Variants in ZBTB20 observed in about 807,000 individuals in gnomAD.
ZBTB20 encodes the protein zinc finger and BTB domain-containing protein 20.
In ZBTB20, 9 loss-of-function variants were observed where a neutral mutation model predicts 56.9. The observed-to-expected ratio is 0.16, with a 90% CI of 0.10 to 0.28. ZBTB20 has a LOEUF of 0.28. Ranked by LOEUF, ZBTB20 falls within the 10% of genes least tolerant of loss-of-function variation. The pLI, the probability that ZBTB20 is intolerant of heterozygous loss-of-function variation, is 1.00. For missense variants in ZBTB20, 655 were observed against 1,003.0 expected (o/e 0.65, Z 4.69); for synonymous variants, 417 against 420.7 (o/e 0.99, Z 0.11).
In ZBTB20 at chr3:114,820,522, T is replaced by C. The variant is rs143988086; in HGVS notation, c.-416-19348A>G. Among the ~76,000 whole-genome samples, 6 of 152,226 alleles carry C rather than the reference T, an allele frequency of 3.9e-5. No homozygotes were observed. In the East Asian group the frequency reaches 1.2e-3, roughly 29 times the overall value. On this transcript the variant is annotated intron_variant, in intron 4 of 11. Coordinates refer to ENST00000675478, the MANE Select transcript of ZBTB20 (RefSeq NM_001348800.3). ...AAATTTATTCGTTATATATATTTTC[T>C]ATTTTGACACATCCTTTCAACAAGT...
chr3:114,395,291 AAG>A (rs1347604044), intron 7 of ZBTB20, among the ~76,000 whole-genome samples: 1 of 152,142 alleles, frequency 6.6e-6, no homozygotes, highest in Non-Finnish European at 1.5e-5. Context: ...TTAGAAAAAA[AAG>A]AGTTAGAAAG....
rs933909848 is a variant in ZBTB20, at chr3:114,998,344, T to A, written c.-506-23928A>T. Among the ~76,000 whole-genome samples the A allele has an allele frequency of 2.0e-5, 3 of 151,794 alleles. No individual in the cohort carries two copies. The East Asian group carries it at 5.8e-4, about 30-fold the overall frequency. Reference sequence around the variant, plus strand: ...AAAAAATCAAGATACAAAGCTGTTGTGCCATCACAAAAGAATTTGTGACCT... The same window carrying A: ...AAAAAATCAAGATACAAAGCTGTTGAGCCATCACAAAAGAATTTGTGACCT... On this transcript the variant is annotated intron_variant, in intron 2 of 11. Transcript: ENST00000675478.
intron 7 of ZBTB20, among the ~76,000 whole-genome samples, chr3:114,414,110 C>G (rs1362787307): frequency 6.6e-6 from 1 of 152,102 alleles, no homozygotes; most frequent in African/African-American, 2.4e-5. Flanking sequence ...AAGAAGCAAA[C>G]AGATCACGAG....
intron 6 of ZBTB20, among the ~76,000 whole-genome samples, chr3:114,679,318 A>G (rs941105647): frequency 3.9e-5 from 6 of 152,224 alleles, no homozygotes; most frequent in African/African-American, 1.4e-4. Flanking sequence ...CCTGCACAGC[A>G]AAAGAAACTA....
chr3:114,991,804 T>A (rs1283638842), intron 2 of ZBTB20, among the ~76,000 whole-genome samples: 2 of 152,126 alleles, frequency 1.3e-5, no homozygotes, highest in Non-Finnish European at 2.9e-5. Flanking sequence ...TGGGTGCATA[T>A]ATATTTAGGA....
chr3:114,908,541 G>A (rs1408246975), intron 3 of ZBTB20, among the ~76,000 whole-genome samples: 1 of 151,916 alleles, frequency 6.6e-6, no homozygotes, highest in Non-Finnish European at 1.5e-5. Flanking sequence ...CAACAACTCA[G>A]GTCATGTGGG....
chr3:114,460,183 C>T (rs2092261829), intron 7 of ZBTB20, among the ~76,000 whole-genome samples: 2 of 151,992 alleles, frequency 1.3e-5, no homozygotes, highest in African/African-American at 4.8e-5. Flanking sequence ...CTTTTTTGGA[C>T]ATATTTTACT....
At chr3:114,565,611 T>C (rs2052624573) in intron 6 of ZBTB20, among the ~76,000 whole-genome samples, 1 of 152,310 alleles carries the variant, frequency 6.6e-6, no homozygotes, top group Admixed American at 6.5e-5. Flanking sequence ...AATTATATAG[T>C]TATCAGGAGA....
At chr3:115,027,564 T>A (rs1212114622) in intron 2 of ZBTB20, 3 of 150,960 alleles carry the variant, frequency 2.0e-5, no homozygotes, top group African/African-American at 7.3e-5. Flanking sequence ...TGTCATGCAG[T>A]CCTTTGGATT....
At chr3:115,023,592 A>C (rs937030971) in intron 2 of ZBTB20, among the ~76,000 whole-genome samples, 4 of 150,876 alleles carry the variant, frequency 2.7e-5, no homozygotes, top group Admixed American at 2.0e-4. Flanking sequence ...ACAAATCCAA[A>C]CTTGAATAAA....
At chr3:115,063,844 A>G (rs1244727983) in intron 2 of ZBTB20, among the ~76,000 whole-genome samples, 1 of 152,166 alleles carries the variant, frequency 6.6e-6, no homozygotes, top group Admixed American at 6.6e-5. Context: ...TAAATTTTAG[A>G]CATAATATAT....
chr3:114,828,992 C>G (rs922299912), intron 4 of ZBTB20, among the ~76,000 whole-genome samples: 2 of 151,798 alleles, frequency 1.3e-5, no homozygotes, highest in East Asian at 3.9e-4. Context: ...CTTATGGATT[C>G]TAGCTCCTTT....
intron 5 of ZBTB20, among the ~76,000 whole-genome samples, chr3:114,779,984 G>C (rs1560240988): frequency 6.6e-6 from 1 of 152,102 alleles, no homozygotes; most frequent in Non-Finnish European, 1.5e-5. Flanking sequence ...AAATTATGAA[G>C]TTATTTTTTT....
At chr3:115,057,012 T>A (rs2081820580) in intron 2 of ZBTB20, among the ~76,000 whole-genome samples, 1 of 152,000 alleles carries the variant, frequency 6.6e-6, no homozygotes. Context: ...GTATAAATTC[T>A]GTTGAGAATA....
At chr3:114,364,532 G>A (rs540610907) in intron 10 of ZBTB20, among the ~76,000 whole-genome samples, 12 of 152,216 alleles carry the variant, frequency 7.9e-5, no homozygotes, top group African/African-American at 1.7e-4. Flanking sequence ...ATTCTCTGCC[G>A]TTCAGATATG....
intron 3 of ZBTB20, among the ~76,000 whole-genome samples, chr3:114,939,971 G>A (rs1008634689): frequency 8.9e-5 from 13 of 146,368 alleles, no homozygotes; most frequent in Non-Finnish European, 1.5e-4. Flanking sequence ...TTGTAGCATT[G>A]GGTTTTTAAA....
chr3:115,033,224 G>A (rs780849197), intron 2 of ZBTB20, among the ~76,000 whole-genome samples: 32 of 151,308 alleles, frequency 2.1e-4, no homozygotes, highest in Non-Finnish European at 3.7e-4. Context: ...AAAAGAGTAC[G>A]ATGAGCAATT....
At position 114,339,383 on chromosome 3, in the gene ZBTB20, G is replaced by A; in HGVS notation, c.1848C>T (p.Ser616=). ...TGTGCTTGATAAGGTAATCCTTTAAGGAGAAGGAGCGCCAACAGATGCTGC... is the reference window on the plus strand; with the variant it reads ...TGTGCTTGATAAGGTAATCCTTTAAAGAGAAGGAGCGCCAACAGATGCTGC... ...HQCSICWRSF[S]LKDYLIKHMV... Residue 616 remains serine (S), a synonymous_variant, in exon 12 of 12, where the codon TCC becomes TCT. Coordinates refer to ENST00000675478, the MANE Select transcript of ZBTB20 (RefSeq NM_001348800.3). The surrounding 1 kb of genome is among the most constrained non-coding windows in gnomAD (Gnocchi z 4.2). The A allele has an allele frequency of 1.2e-6, 2 of 1,614,000 alleles. No homozygotes were observed. Among genetic ancestry groups the A allele is most frequent in the Non-Finnish European group, 1.7e-6 (2 of 1,180,012 alleles).
At chr3:114,578,230 ATTG>A (rs1312408647) in intron 6 of ZBTB20, among the ~76,000 whole-genome samples, 10 of 152,262 alleles carry the variant, frequency 6.6e-5, no homozygotes, top group African/African-American at 2.4e-4. Context: ...AATTGAGTGT[ATTG>A]GAAGGTAATG....
Sources: allele counts gnomAD v4.1 joint callset (sites outside exome capture counted in the v4.1 genomes callset), GRCh38; gene constraint gnomAD v4.1.1; non-coding constraint Gnocchi (gnomAD v3.1); transcripts MANE v1.5; gene names NCBI Gene and HGNC (gene_info 2026-07-23, HGNC 2026-07-21).